The following MICU1 variants were observed in gnomAD, a reference collection of about 807,000 sequenced individuals.
The protein encoded by MICU1 is mitochondrial calcium uptake 1.
In MICU1, 45 loss-of-function variants were observed where a neutral mutation model predicts 56.8. The observed-to-expected ratio is 0.79, with a 90% confidence interval of 0.62 to 1.02. MICU1 has a LOEUF of 1.02. Ranked by LOEUF, MICU1 falls within the 50% of genes least tolerant of loss-of-function variation. The pLI is 0.00. For missense variants in MICU1, 504 were observed against 587.1 expected (o/e 0.86, Z 1.46); for synonymous variants, 186 against 195.1 (o/e 0.95, Z 0.39).
At chr10:72,426,440 C>G (rs888878765) in intron 8 of MICU1, among the ~76,000 whole-genome samples, 1 of 151,518 alleles carries the variant, frequency 6.6e-6, no homozygotes, top group Non-Finnish European at 1.5e-5. Flanking sequence ...CACTGTCACC[C>G]AGGCTGGAGT....
At chr10:72,543,060 A>C (rs1409895324) in intron 4 of MICU1, among the ~76,000 whole-genome samples, 3 of 152,154 alleles carry the variant, frequency 2.0e-5, no homozygotes, top group Non-Finnish European at 4.4e-5. Context: ...TTATAGGCAC[A>C]GGACGGGGGT....
At chr10:72,521,106 T>C (rs1474206939) in intron 5 of MICU1, among the ~76,000 whole-genome samples, 2 of 152,084 alleles carry the variant, frequency 1.3e-5, no homozygotes, top group South Asian at 2.1e-4. Context: ...TCACTTAATG[T>C]AAAAACAATC....
At chr10:72,516,216 G>C (rs771406434) in intron 5 of MICU1, among the ~76,000 whole-genome samples, 1 of 152,032 alleles carries the variant, frequency 6.6e-6, no homozygotes, top group Non-Finnish European at 1.5e-5. Flanking sequence ...TCATATGTTT[G>C]TTGGCCACAG....
intron 1 of MICU1, among the ~76,000 whole-genome samples, chr10:72,620,322 T>A (rs531917002): frequency 6.6e-6 from 1 of 152,146 alleles, no homozygotes; most frequent in South Asian, 2.1e-4. Context: ...GCAGCTGGGA[T>A]TACAGGAGTG....
intron 8 of MICU1, among the ~76,000 whole-genome samples, chr10:72,448,910 C>T (rs989595667): frequency 6.6e-6 from 1 of 152,122 alleles, no homozygotes; most frequent in African/African-American, 2.4e-5. Flanking sequence ...CTGTCCCTTG[C>T]TAGACAATTA....
At chr10:72,410,293 T>C (rs544114261) in intron 9 of MICU1, among the ~76,000 whole-genome samples, 4 of 152,320 alleles carry the variant, frequency 2.6e-5, no homozygotes, top group African/African-American at 9.6e-5. Flanking sequence ...TGAACAGTGA[T>C]GCATCTGTAC....
At chr10:72,594,331 G>A (rs1841312747) in intron 1 of MICU1, among the ~76,000 whole-genome samples, 1 of 152,012 alleles carries the variant, frequency 6.6e-6, no homozygotes, top group African/African-American at 2.4e-5. Context: ...AAATGGTGCT[G>A]GACAAACTGG....
chr10:72,453,492 A>G (rs1021482501), intron 8 of MICU1, among the ~76,000 whole-genome samples: 1 of 151,956 alleles, frequency 6.6e-6, no homozygotes, highest in Non-Finnish European at 1.5e-5. Context: ...CAGCATTGGA[A>G]AAAATCCCAA....
At chr10:72,546,131 C>T (rs1244998357) in intron 4 of MICU1, among the ~76,000 whole-genome samples, 1 of 152,140 alleles carries the variant, frequency 6.6e-6, no homozygotes, top group East Asian at 1.9e-4. Context: ...AGTGCTGGTG[C>T]ACTTTTCTTG....
intron 9 of MICU1, among the ~76,000 whole-genome samples, chr10:72,416,460 A>G (rs7918099): frequency 0.56 from 85,550 of 152,002 alleles, 24,978 homozygotes; most frequent in Non-Finnish European, 0.65. Context: ...ATATTCCACA[A>G]ATGACTAATG....
intron 6 of MICU1, among the ~76,000 whole-genome samples, chr10:72,489,779 T>C (rs191667213): frequency 1.3e-5 from 2 of 152,310 alleles, no homozygotes; most frequent in African/African-American, 4.8e-5. Flanking sequence ...AAGCCAGGAC[T>C]TGTTAAATTA....
At chr10:72,443,840 A>G (rs1335681004) in intron 8 of MICU1, among the ~76,000 whole-genome samples, 1 of 151,698 alleles carries the variant, frequency 6.6e-6, no homozygotes, top group Non-Finnish European at 1.5e-5. Flanking sequence ...TAGAACTAGA[A>G]ATACCATTTG....
At chr10:72,570,304 A>AT (rs1281768327) in intron 1 of MICU1, among the ~76,000 whole-genome samples, 1 of 151,840 alleles carries the variant, frequency 6.6e-6, no homozygotes, top group East Asian at 1.9e-4. Context: ...GGCATACGTA[A>AT]TTTTTTCTCC....
At chr10:72,412,462 T>C (rs1424131118) in intron 9 of MICU1, among the ~76,000 whole-genome samples, 1 of 152,212 alleles carries the variant, frequency 6.6e-6, no homozygotes, top group Non-Finnish European at 1.5e-5. Flanking sequence ...AGATTAATGA[T>C]AGTTTGTAGA....
chr10:72,543,084 T>C (rs987732651), intron 4 of MICU1, among the ~76,000 whole-genome samples: 7 of 152,048 alleles, frequency 4.6e-5, no homozygotes, highest in Non-Finnish European at 1.0e-4. Context: ...CCATGGGTAG[T>C]TTAGGAAAGG....
intron 1 of MICU1, among the ~76,000 whole-genome samples, chr10:72,623,860 G>GCCT (rs1055728000): frequency 2.0e-5 from 3 of 150,946 alleles, no homozygotes; most frequent in African/African-American, 7.3e-5. Flanking sequence ...AAAAGGACCA[G>GCCT]CCTCGGCAAA....
At chr10:72,486,601 A>T (rs1866483483) in intron 6 of MICU1, among the ~76,000 whole-genome samples, 1 of 152,192 alleles carries the variant, frequency 6.6e-6, no homozygotes, top group South Asian at 2.1e-4. Context: ...CCTCTCAAGT[A>T]GCTGAGATTG....
Position 72,453,897 on chromosome 10 carries a change from G to A in MICU1, c.933+21203C>T, listed in dbSNP as rs145026014. Among the ~76,000 whole-genome samples, 267 of 150,998 alleles carry A rather than the reference G, an allele frequency of 1.8e-3. 5 individuals are homozygous for A. In the East Asian group the frequency reaches 0.048, roughly 27 times the overall value. On this transcript the variant is annotated intron_variant, in intron 8 of 11. Coordinates refer to ENST00000361114, the MANE Select transcript of MICU1 (RefSeq NM_001195518.2). ...GTCACCCAGGCTGGAGTGCAGTGGC[G>A]TGATCTCAGCTCACCGCAAACTCCA... is the stretch of plus-strand genomic sequence containing the variant.
At chr10:72,401,170 A>C (rs556400624) in intron 10 of MICU1, among the ~76,000 whole-genome samples, 4 of 152,340 alleles carry the variant, frequency 2.6e-5, no homozygotes, top group African/African-American at 9.6e-5. Context: ...ATGAAATAAA[A>C]GGCATTGAGA....
Sources: gnomAD v4.1 joint callset for allele counts (sites outside exome capture counted in the v4.1 genomes callset) on GRCh38, gnomAD v4.1.1 for gene constraint, MANE v1.5 for transcripts, NCBI Gene and HGNC (gene_info 2026-07-23, HGNC 2026-07-21) for gene names.